Variants in FBXL13 observed in about 807,000 individuals in gnomAD.
FBXL13 encodes F-box and leucine-rich repeat protein 13.
FBXL13 carries 67 observed loss-of-function variants against 83.6 expected under a neutral mutation model. The ratio of observed to expected loss-of-function variants is 0.80; its 90% CI spans 0.66 to 0.98. The LOEUF (loss-of-function observed/expected upper bound fraction) is 0.98. Ranked by LOEUF, FBXL13 falls within the 50% of genes least tolerant of loss-of-function variation. The pLI, the probability that FBXL13 is intolerant of heterozygous loss-of-function variation, is 0.00. For synonymous variants in FBXL13, 272 were observed against 299.5 expected (o/e 0.91, Z 0.95); for missense variants, 822 against 866.5 (o/e 0.95, Z 0.64).
chr7:103,051,493 T>C (rs1420713462), intron 2 of FBXL13, among the ~76,000 whole-genome samples: 4 of 152,214 alleles, frequency 2.6e-5, no homozygotes, highest in African/African-American at 9.7e-5. Context: ...GATCCCCAGC[T>C]GCTCTGAGAG....
At chr7:102,967,598 A>G (rs1826124490) in intron 7 of FBXL13, among the ~76,000 whole-genome samples, 1 of 152,060 alleles carries the variant, frequency 6.6e-6, no homozygotes, top group Admixed American at 6.6e-5. Context: ...AGTGGAATTA[A>G]CTCTTCCAAA....
At chr7:102,884,183 A>T in intron 12 of FBXL13, 31 bp downstream of exon 13, 2 of 1,474,896 alleles carry the variant, frequency 1.4e-6, no homozygotes, top group South Asian at 2.3e-5. Flanking sequence ...CTTATGGGAC[A>T]GAAAAGTAAA....
At chr7:102,948,463 G>A (rs1052787964) in intron 8 of FBXL13, among the ~76,000 whole-genome samples, 8 of 151,342 alleles carry the variant, frequency 5.3e-5, no homozygotes, top group Non-Finnish European at 1.0e-4. Context: ...TCGCTCTGTC[G>A]CCCAGGGTGG....
chr7:102,830,731 G>A (rs973358128), intron 18 of FBXL13, among the ~76,000 whole-genome samples: 1 of 152,202 alleles, frequency 6.6e-6, no homozygotes, highest in African/African-American at 2.4e-5. Context: ...CATCTTGAGA[G>A]TTGGTGTGAT....
In FBXL13 at chr7:102,842,331, G is replaced by A. The variant is rs568299672; in HGVS notation, c.1720-9357C>T. Reference sequence around the variant, plus strand: ...GATAATTACTGAATGACTTAATCTTGGAAAACAAATAGAAATCAATGTTGA... The same window carrying A: ...GATAATTACTGAATGACTTAATCTTAGAAAACAAATAGAAATCAATGTTGA... On this transcript the variant is annotated intron_variant, in intron 17 of 19. Coordinates refer to ENST00000313221, the Ensembl canonical transcript of FBXL13. Among the ~76,000 whole-genome samples, 249 of 152,222 alleles carry A rather than the reference G, an allele frequency of 1.6e-3. 1 individual carries two copies. The highest frequency in any genetic ancestry group is 5.5e-3 in the African/African-American group (229 of 41,528).
chr7:102,853,265 A>C (rs1805532527), intron 17 of FBXL13, among the ~76,000 whole-genome samples: 1 of 152,178 alleles, frequency 6.6e-6, no homozygotes, highest in Admixed American at 6.5e-5. Flanking sequence ...AAAATCTCAC[A>C]AATTACCACT....
intron 1 of FBXL13, among the ~76,000 whole-genome samples, chr7:103,068,998 C>T (rs577714292): frequency 6.6e-6 from 1 of 152,262 alleles, no homozygotes; most frequent in South Asian, 2.1e-4. Context: ...CCAGCCGCCC[C>T]ACCATCTGGG....
At chr7:103,021,869 T>C (rs1239453791) in intron 6 of FBXL13, among the ~76,000 whole-genome samples, 2 of 152,320 alleles carry the variant, frequency 1.3e-5, no homozygotes, top group Admixed American at 1.3e-4. Flanking sequence ...GTAACACTTT[T>C]ACACCGTTGG....
chr7:102,979,834 A>G (rs1827967798), intron 6 of FBXL13, among the ~76,000 whole-genome samples: 2 of 152,226 alleles, frequency 1.3e-5, no homozygotes, highest in Non-Finnish European at 2.9e-5. Flanking sequence ...GCTGTAAAAA[A>G]ATGTAAAAAG....
chr7:102,944,569 G>T (rs764007775), intron 8 of FBXL13: 1 of 1,610,138 alleles, frequency 6.2e-7, no homozygotes, highest in Non-Finnish European at 8.5e-7. Context: ...AGATCACACC[G>T]CAAAGAAGCA....
At chr7:103,057,757 A>G (rs1036599097) in intron 1 of FBXL13, among the ~76,000 whole-genome samples, 2 of 152,182 alleles carry the variant, frequency 1.3e-5, no homozygotes, top group African/African-American at 4.8e-5. Context: ...TCTGCAAGAT[A>G]TACAGAATTA....
intron 8 of FBXL13, chr7:102,944,178 A>T: frequency 6.4e-7 from 1 of 1,561,252 alleles, no homozygotes; most frequent in Non-Finnish European, 8.7e-7. Flanking sequence ...TAACTCAATT[A>T]CTCAGGCTCA....
At chr7:102,855,208 T>A (rs1453392389) in intron 16 of FBXL13, among the ~76,000 whole-genome samples, 1 of 152,216 alleles carries the variant, frequency 6.6e-6, no homozygotes, top group Non-Finnish European at 1.5e-5. Flanking sequence ...TTGAAGATAC[T>A]TCATGTGGAT....
At chr7:102,893,154 C>T (rs1400954705) in intron 11 of FBXL13, among the ~76,000 whole-genome samples, 1 of 152,230 alleles carries the variant, frequency 6.6e-6, no homozygotes, top group African/African-American at 2.4e-5. Context: ...TCACTCCCAG[C>T]TCTCTTCCAA....
chr7:102,902,103 C>T (rs1339206697), intron 11 of FBXL13, among the ~76,000 whole-genome samples: 2 of 152,090 alleles, frequency 1.3e-5, no homozygotes, highest in East Asian at 1.9e-4. Context: ...TTTGTTATTA[C>T]TTAACTTTTG....
At chr7:102,921,139 G>A (rs1326262109) in intron 10 of FBXL13, among the ~76,000 whole-genome samples, 4 of 151,296 alleles carry the variant, frequency 2.6e-5, no homozygotes, top group African/African-American at 4.9e-5. Flanking sequence ...GCAACAGGGC[G>A]AGACTCCGTC....
At chr7:102,893,964 G>GAGAGAA (rs1563055176) in intron 11 of FBXL13, among the ~76,000 whole-genome samples, 1 of 75,326 alleles carries the variant, frequency 1.3e-5, no homozygotes, top group African/African-American at 5.9e-5. Context: ...GAAAGAAAGA[G>GAGAGAA]AGAAAGAAAG....
In FBXL13 at chr7:103,020,105, A is replaced by G. The variant is rs1210504352; in HGVS notation, c.495+4958T>C. On this transcript the variant is annotated intron_variant, in intron 6 of 19. Transcript: ENST00000313221. ...ATACTGGCAAACCGAATCCAGCAGC[A>G]TATCAAAAAGCTTATCCACCATGAT... 3.3e-5 allele frequency among the ~76,000 whole-genome samples: 5 copies of G among 152,350 alleles called. 1 individual carries two copies. Among genetic ancestry groups the G allele is most frequent in the African/African-American group, 1.2e-4 (5 of 41,586 alleles).
intron 9 of FBXL13, among the ~76,000 whole-genome samples, chr7:102,929,160 C>T (rs1818671865): frequency 6.6e-6 from 1 of 152,120 alleles, no homozygotes; most frequent in Non-Finnish European, 1.5e-5. Flanking sequence ...CTTCTGTACA[C>T]ATTCTATTTG....
Sources: allele counts gnomAD v4.1 joint callset (sites outside exome capture counted in the v4.1 genomes callset), GRCh38; gene constraint gnomAD v4.1.1; transcripts MANE v1.5; gene names NCBI Gene and HGNC (gene_info 2026-07-23, HGNC 2026-07-21).